The following GRIK2 variants were observed in gnomAD, a reference collection of about 807,000 sequenced individuals.
GRIK2 encodes the protein glutamate ionotropic receptor kainate type subunit 2.
A neutral mutation model predicts 100.3 loss-of-function variants in GRIK2; 32 were observed. The ratio of observed to expected loss-of-function variants is 0.32; its 90% confidence interval spans 0.24 to 0.43. The LOEUF is 0.43. GRIK2 is among the 20% of genes least tolerant of loss of function. The pLI, the probability that GRIK2 is intolerant of heterozygous loss-of-function variation, is 1.00. For synonymous variants in GRIK2, 417 were observed against 389.4 expected (o/e 1.07, Z -0.83); for missense variants, 843 against 1,114.9 (o/e 0.76, Z 3.47).
chr6:102,019,912 C>T (rs1353043381), intron 14 of GRIK2, among the ~76,000 whole-genome samples: 9 of 151,870 alleles, frequency 5.9e-5, no homozygotes, highest in African/African-American at 9.7e-5. Context: ...GATTTCTTTG[C>T]GCATCAATTG....
rs530366753 is a variant in GRIK2 at position 101,546,011 on chromosome 6, A to T, written c.116-75938A>T. 3.3e-5 allele frequency among the ~76,000 whole-genome samples: 5 copies of T among 151,138 alleles called. No homozygotes were observed. The South Asian group carries it at 6.2e-4, about 19-fold the overall frequency. On this transcript the variant is annotated intron_variant, in intron 2 of 16. Coordinates refer to ENST00000369134, the MANE Select transcript of GRIK2 (RefSeq NM_021956.5). ...TTCTCCTGCATCCAGTGCCCCATTC[A>T]TCTCTTCCATGCAGCTGAATTTAGT...
intron 14 of GRIK2, among the ~76,000 whole-genome samples, chr6:101,950,897 A>G (rs1175364265): frequency 6.6e-6 from 1 of 152,148 alleles, no homozygotes; most frequent in Non-Finnish European, 1.5e-5. Flanking sequence ...CAAAGAAACA[A>G]TGGTATGCCT....
At chr6:101,792,535 C>T (rs922768937) in intron 7 of GRIK2, among the ~76,000 whole-genome samples, 2 of 151,630 alleles carry the variant, frequency 1.3e-5, no homozygotes, top group Admixed American at 6.6e-5. Flanking sequence ...GAATATTGGC[C>T]CCCACTCTCT....
intron 7 of GRIK2, among the ~76,000 whole-genome samples, chr6:101,712,128 T>C (rs1056502722): frequency 1.4e-4 from 21 of 151,964 alleles, no homozygotes; most frequent in Admixed American, 5.3e-4. Flanking sequence ...ATATTTGAAA[T>C]TGAATGGAAC....
At chr6:101,901,937 T>C (rs1787873380) in intron 12 of GRIK2, among the ~76,000 whole-genome samples, 1 of 152,022 alleles carries the variant, frequency 6.6e-6, no homozygotes, top group Admixed American at 6.6e-5. Flanking sequence ...AAAATCCTTC[T>C]ACTTCACCAT....
chr6:101,785,070 A>T (rs1279639728), intron 7 of GRIK2, among the ~76,000 whole-genome samples: 1 of 151,950 alleles, frequency 6.6e-6, no homozygotes, highest in Non-Finnish European at 1.5e-5. Context: ...AGTGTTTTTT[A>T]TATATCTGTT....
At chr6:101,547,653 CA>C (rs1270264539) in intron 2 of GRIK2, among the ~76,000 whole-genome samples, 1 of 152,166 alleles carries the variant, frequency 6.6e-6, no homozygotes, top group Non-Finnish European at 1.5e-5. Context: ...ATGAACTCAT[CA>C]TTTTTCATGG....
chr6:101,941,995 T>A (rs1790983886), intron 14 of GRIK2, among the ~76,000 whole-genome samples: 1 of 152,158 alleles, frequency 6.6e-6, no homozygotes, highest in South Asian at 2.1e-4. Context: ...CATAGGTTTT[T>A]TTTGTATCTC....
chr6:101,969,073 G>A (rs1792877111), intron 14 of GRIK2, among the ~76,000 whole-genome samples: 1 of 151,832 alleles, frequency 6.6e-6, no homozygotes, highest in Non-Finnish European at 1.5e-5. Context: ...TAAAATATTT[G>A]CAAGCATAAA....
chr6:101,751,033 A>G (rs1218019156), intron 7 of GRIK2, among the ~76,000 whole-genome samples: 1 of 152,190 alleles, frequency 6.6e-6, no homozygotes, highest in Non-Finnish European at 1.5e-5. Context: ...CTCTTTTACC[A>G]TGTACTAACT....
chr6:101,437,642 T>C (rs1769806573), intron 2 of GRIK2, among the ~76,000 whole-genome samples: 1 of 152,146 alleles, frequency 6.6e-6, no homozygotes. Context: ...AATAGTAGCA[T>C]ATTGATTCAC....
At chr6:101,976,122 T>C (rs1793363841) in intron 14 of GRIK2, among the ~76,000 whole-genome samples, 1 of 151,720 alleles carries the variant, frequency 6.6e-6, no homozygotes, top group Admixed American at 6.6e-5. Flanking sequence ...GATCCGACAT[T>C]TCAGGAAAAT....
At chr6:101,566,591 A>C (rs1777288194) in intron 2 of GRIK2, among the ~76,000 whole-genome samples, 2 of 151,908 alleles carry the variant, frequency 1.3e-5, no homozygotes, top group South Asian at 4.1e-4. Flanking sequence ...CAACAACTTT[A>C]CTAATGTATC....
chr6:101,524,250 A>G (rs1775033379), intron 2 of GRIK2, among the ~76,000 whole-genome samples: 1 of 152,178 alleles, frequency 6.6e-6, no homozygotes, highest in African/African-American at 2.4e-5. Context: ...CCTTGCCAAT[A>G]TGAATCAGAA....
chr6:101,841,390 TTC>T (rs1783491097), intron 10 of GRIK2, among the ~76,000 whole-genome samples: 1 of 151,190 alleles, frequency 6.6e-6, no homozygotes, highest in Non-Finnish European at 1.5e-5. Flanking sequence ...TTGGTACGGT[TTC>T]TCTCTCTGTT....
chr6:101,536,308 CAA>C (rs538179799), intron 2 of GRIK2, among the ~76,000 whole-genome samples: 1 of 151,532 alleles, frequency 6.6e-6, no homozygotes, highest in Non-Finnish European at 1.5e-5. Context: ...AAAAAGTATG[CAA>C]TTTTCAAGAA....
chr6:101,531,798 G>A (rs980683999), intron 2 of GRIK2, among the ~76,000 whole-genome samples: 5 of 151,674 alleles, frequency 3.3e-5, no homozygotes, highest in East Asian at 1.9e-4. Flanking sequence ...AGCTATCCTC[G>A]TGTCCTAAAT....
At chr6:101,840,509 T>A (rs577959683) in intron 10 of GRIK2, among the ~76,000 whole-genome samples, 2 of 152,330 alleles carry the variant, frequency 1.3e-5, no homozygotes, top group South Asian at 4.1e-4. Context: ...AAAAAGAAAG[T>A]TACAGACTTC....
chr6:101,980,510 C>T (rs530504746), intron 14 of GRIK2, among the ~76,000 whole-genome samples: 11 of 152,014 alleles, frequency 7.2e-5, no homozygotes, highest in African/African-American at 2.6e-4. Flanking sequence ...TTGCTCTTAT[C>T]TCTATAATAA....
Sources: gnomAD v4.1 joint callset for allele counts (sites outside exome capture counted in the v4.1 genomes callset) on GRCh38, gnomAD v4.1.1 for gene constraint, MANE v1.5 for transcripts, NCBI Gene and HGNC (gene_info 2026-07-23, HGNC 2026-07-21) for gene names.